PCDHGA6: variants seen among roughly 807,000 people sequenced by gnomAD.
The protein encoded by PCDHGA6 is protocadherin gamma subfamily A, 6.
PCDHGA6 carries 41 observed loss-of-function variants against 60.6 expected under a neutral mutation model. The ratio of observed to expected loss-of-function variants is 0.68; its 90% confidence interval spans 0.53 to 0.88. The LOEUF (loss-of-function observed/expected upper bound fraction) is 0.88, where lower values mean the gene tolerates loss of function less well. Among genes scored for constraint, PCDHGA6 ranks in the 40% least tolerant of loss-of-function variants. The pLI is 0.00. For missense variants in PCDHGA6, 1,312 were observed against 1,203.0 expected (o/e 1.09, Z -1.34); for synonymous variants, 594 against 524.4 (o/e 1.13, Z -1.81).
rs747671382 is a variant in PCDHGA6 at position 141,444,152 on chromosome 5, A to ATTTTTTTT, written c.2425-50626_2425-50619dup. ...GATATGTGTCACTTGTGTGTACTGG[A>ATTTTTTTT]TTTTTTTTTTTTTTTTTTTTTTTTT... On this transcript the variant is annotated intron_variant, in intron 1 of 3. Transcript: ENST00000517434. Among the ~76,000 whole-genome samples, 8 of 33,898 alleles carry ATTTTTTTT rather than the reference A, an allele frequency of 2.4e-4. 3 individuals are homozygous for ATTTTTTTT. Among genetic ancestry groups the ATTTTTTTT allele is most frequent in the African/African-American group, 5.6e-4 (4 of 7,184 alleles). The allele number at this position is 33,898 out of a possible 152,430, so 22.2% of individuals were successfully genotyped here.
Position 141,485,754 on chromosome 5 carries a change from T to A in PCDHGA6, c.2425-9053T>A, listed in dbSNP as rs770807249. ...AGCGACGGCAGCCTGGTCCCAGAGC[T>A]GCTCCTGGAGAAGCCTTTGGATCGA... On this transcript the variant is annotated intron_variant, in intron 1 of 3. Transcript: ENST00000517434. This position sits in a 1 kb window ranked among gnomAD's most constrained non-coding sequence, Gnocchi z 5.7. 1 of 1,614,236 alleles carries A rather than the reference T, an allele frequency of 6.2e-7. No individual in the cohort carries two copies. The highest frequency in any genetic ancestry group is 8.5e-7 in the Non-Finnish European group (1 of 1,180,044).
chr5:141,476,196 A>G lies in PCDHGA6; in HGVS notation c.2425-18611A>G, dbSNP rs2099386612. The G allele has an allele frequency of 6.2e-7, 1 of 1,613,852 alleles. No individual in the cohort carries two copies. Among genetic ancestry groups the G allele is most frequent in the South Asian group, 1.1e-5 (1 of 91,074 alleles). ...GTTTTGCTTCTGCTTGGTGCCTTGA[A>G]CAAGGCTTCCACGGTCATTCACTAT... On this transcript the variant is annotated intron_variant, in intron 1 of 3. Coordinates refer to ENST00000517434, the MANE Select transcript of PCDHGA6 (RefSeq NM_018919.3). This position sits in a 1 kb window ranked among gnomAD's most constrained non-coding sequence, Gnocchi z 7.6.
At chr5:141,507,429 G>C (rs1191174823) in intron 3 of PCDHGA6, 3 of 152,238 alleles carry the variant, frequency 2.0e-5, no homozygotes, top group African/African-American at 7.2e-5. Flanking sequence ...AGTGGGGCCA[G>C]GCCTACAGCT....
Position 141,476,562 on chromosome 5 carries a change from C to G in PCDHGA6, c.2425-18245C>G. 1 of 1,614,218 alleles carries G rather than the reference C, an allele frequency of 6.2e-7. No individual in the cohort carries two copies. The highest frequency in any genetic ancestry group is 1.1e-5 in the South Asian group (1 of 91,088). On this transcript the variant is annotated intron_variant, in intron 1 of 3. Transcript: ENST00000517434. This position sits in a 1 kb window ranked among gnomAD's most constrained non-coding sequence, Gnocchi z 7.6. The stretch of plus-strand genomic sequence containing the variant: ...AAATTGGAGATTAGCGAGGCCGTGG[C>G]TCCGGGGACGCGCTTTCCGCTCGAG...
Position 141,432,485 on chromosome 5 carries a change from G to C in PCDHGA6, c.2424+55978G>C. 6.2e-7 allele frequency: 1 copy of C among 1,614,186 alleles called. No individual in the cohort carries two copies. The highest frequency in any genetic ancestry group is 8.5e-7 in the Non-Finnish European group (1 of 1,180,040). On this transcript the variant is annotated intron_variant, in intron 1 of 3. Coordinates refer to ENST00000517434, the MANE Select transcript of PCDHGA6 (RefSeq NM_018919.3). The surrounding 1 kb of genome is among the most constrained non-coding windows in gnomAD (Gnocchi z 6.0). ...CCCCACGGACGGTTCCACTGGCGTG[G>C]AGCTGGCTCCCCGCTCCGCAGAGCC...
intron 1 of PCDHGA6, chr5:141,478,229 T>C: frequency 6.2e-7 from 1 of 1,614,074 alleles, no homozygotes; most frequent in Non-Finnish European, 8.5e-7. Flanking sequence ...TTCTGTGGGG[T>C]TTGTGGTCAC....
chr5:141,488,437 C>A (rs1327345486), intron 1 of PCDHGA6, among the ~76,000 whole-genome samples: 2 of 152,210 alleles, frequency 1.3e-5, no homozygotes, highest in Non-Finnish European at 2.9e-5. Context: ...CCTCTGACCA[C>A]CCTCCTGGGT....
intron 1 of PCDHGA6, chr5:141,392,917 T>C: frequency 2.5e-6 from 4 of 1,613,922 alleles, no homozygotes; most frequent in Non-Finnish European, 3.4e-6. Context: ...CGCTACTCTG[T>C]GCCAGAAGAG....
chr5:141,476,783 G>C lies in PCDHGA6; in HGVS notation c.2425-18024G>C. ...GACGGCGTTGGACGGAGGGACCCCAGCTCTCTCCGCCAGCCTGCCTATTCA... is the reference window on the plus strand; with the variant it reads ...GACGGCGTTGGACGGAGGGACCCCACCTCTCTCCGCCAGCCTGCCTATTCA... On this transcript the variant is annotated intron_variant, in intron 1 of 3. Coordinates refer to ENST00000517434, the MANE Select transcript of PCDHGA6 (RefSeq NM_018919.3). This position sits in a 1 kb window ranked among gnomAD's most constrained non-coding sequence, Gnocchi z 7.6. The C allele has an allele frequency of 6.2e-7, 1 of 1,613,510 alleles. No homozygotes were observed. The highest frequency in any genetic ancestry group is 8.5e-7 in the Non-Finnish European group (1 of 1,180,030).
In PCDHGA6 at chr5:141,476,966, G is replaced by C. The variant is rs780645226; in HGVS notation, c.2425-17841G>C. The C allele has an allele frequency of 1.2e-6, 2 of 1,614,152 alleles. No homozygotes were observed. Among genetic ancestry groups the C allele is most frequent in the Non-Finnish European group, 1.7e-6 (2 of 1,180,032 alleles). On this transcript the variant is annotated intron_variant, in intron 1 of 3. Coordinates refer to ENST00000517434, the MANE Select transcript of PCDHGA6 (RefSeq NM_018919.3). This position sits in a 1 kb window ranked among gnomAD's most constrained non-coding sequence, Gnocchi z 7.6. ...CAACGGTGAAATTATTTACTCCTTCGGCAGCCACAACCGCGCCGGCGTGCG... is the reference window on the plus strand; with the variant it reads ...CAACGGTGAAATTATTTACTCCTTCCGCAGCCACAACCGCGCCGGCGTGCG...
chr5:141,390,532 T>A, intron 1 of PCDHGA6: 1 of 531,632 alleles, frequency 1.9e-6, no homozygotes, highest in Non-Finnish European at 3.3e-6. Flanking sequence ...GGTGTGGTTT[T>A]AACCACAAAG....
intron 1 of PCDHGA6, chr5:141,399,634 A>C: frequency 6.2e-7 from 1 of 1,613,860 alleles, no homozygotes; most frequent in East Asian, 2.2e-5. Context: ...TTACGTGTCC[A>C]TGAGCGCGCA....
chr5:141,466,278 T>G (rs1459665755), intron 1 of PCDHGA6, among the ~76,000 whole-genome samples: 1 of 152,128 alleles, frequency 6.6e-6, no homozygotes, highest in Non-Finnish European at 1.5e-5. Context: ...TCAAGCAATC[T>G]TCCCACCTCA....
At chr5:141,458,217 T>C (rs1026901943) in intron 1 of PCDHGA6, among the ~76,000 whole-genome samples, 1 of 152,210 alleles carries the variant, frequency 6.6e-6, no homozygotes, top group Admixed American at 6.5e-5. Context: ...AAAATAAGTT[T>C]CCTTTCCCAG....
chr5:141,418,498 C>T (rs181453589), intron 1 of PCDHGA6: 10 of 1,613,968 alleles, frequency 6.2e-6, no homozygotes, highest in East Asian at 2.2e-5. Context: ...TGGTACTGAC[C>T]GCCTTAGATG....
In PCDHGA6 at chr5:141,476,101, A is replaced by G; in HGVS notation, c.2425-18706A>G. The G allele has an allele frequency of 6.3e-7, 1 of 1,576,386 alleles. No individual in the cohort carries two copies. Among genetic ancestry groups the G allele is most frequent in the East Asian group, 2.2e-5 (1 of 44,540 alleles). On this transcript the variant is annotated intron_variant, in intron 1 of 3. Coordinates refer to ENST00000517434, the MANE Select transcript of PCDHGA6 (RefSeq NM_018919.3). This position sits in a 1 kb window ranked among gnomAD's most constrained non-coding sequence, Gnocchi z 7.6. ...GACGATCTGGACCCCGCTGAGAGGA[A>G]CTGCTTTTGAGTGAGATGGTCCCAG... is the stretch of plus-strand genomic sequence containing the variant.
Position 141,384,065 on chromosome 5 carries a change from A to G in PCDHGA6, c.2424+7558A>G, listed in dbSNP as rs1209284047. ...GAGGTGACCTGCACCATTCCAGAAAACCTACCTTTTAAATTAGAAAAATCA... is the reference window on the plus strand; with the variant it reads ...GAGGTGACCTGCACCATTCCAGAAAGCCTACCTTTTAAATTAGAAAAATCA... On this transcript the variant is annotated intron_variant, in intron 1 of 3. Transcript: ENST00000517434. 2 of 1,607,382 alleles carry G rather than the reference A, an allele frequency of 1.2e-6. No individual in the cohort carries two copies. The highest frequency in any genetic ancestry group is 1.7e-5 in the Admixed American group (1 of 58,998).
chr5:141,478,726 G>A, intron 1 of PCDHGA6: 2 of 1,540,996 alleles, frequency 1.3e-6, no homozygotes, highest in Non-Finnish European at 1.8e-6. Context: ...GCCTGCCAGA[G>A]TGTGGTTTGT....
intron 1 of PCDHGA6, chr5:141,392,870 G>A (rs757363357): frequency 6.2e-7 from 1 of 1,613,226 alleles, no homozygotes; most frequent in East Asian, 2.2e-5. Flanking sequence ...TGTGCGCGCT[G>A]CTGGGAACGC....
Sources: allele counts gnomAD v4.1 joint callset (sites outside exome capture counted in the v4.1 genomes callset), GRCh38; gene constraint gnomAD v4.1.1; non-coding constraint Gnocchi (gnomAD v3.1); transcripts MANE v1.5; gene names NCBI Gene and HGNC (gene_info 2026-07-23, HGNC 2026-07-21).